The following XG variants were observed in gnomAD, a reference collection of about 807,000 sequenced individuals.
The protein encoded by XG is glycoprotein Xg.
Under a neutral mutation model 25.7 loss-of-function variants are expected in XG, and 24 were observed. The ratio of observed to expected loss-of-function variants is 0.93; its 90% CI spans 0.68 to 1.31. The LOEUF is 1.31. Among genes scored for constraint, XG ranks in the 40% most tolerant of loss-of-function variants. XG has a pLI of 0.00. For missense variants in XG, 181 were observed against 187.6 expected, an observed-to-expected ratio of 0.96 and a Z score of 0.21; for synonymous variants, 77 against 69.2, an observed-to-expected ratio of 1.11 and a Z score of -0.56.
At chrX:2,778,068 C>A (rs1426021119) in intron 3 of XG, among the ~76,000 whole-genome samples, 1 of 152,186 alleles carries the variant, frequency 6.6e-6, no homozygotes, top group African/African-American at 2.4e-5. Flanking sequence ...GTGCAAACAA[C>A]TTTGAGGCCC....
intron 8 of XG, among the ~76,000 whole-genome samples, chrX:2,807,258 A>T (rs5939334): frequency 8.9e-6 from 1 of 112,138 alleles, no homozygotes; most frequent in Non-Finnish European, 1.9e-5. Flanking sequence ...CATGTTTCCC[A>T]TGTGTGTCCA....
At chrX:2,782,045 G>A (rs1394996959) in intron 3 of XG, 21 bp from the exon 4 acceptor site, 1 of 1,206,839 alleles carries the variant, frequency 8.3e-7, no homozygotes, top group Non-Finnish European at 1.1e-6. Flanking sequence ...TTCTAACAGT[G>A]CAATGTTGTT....
intron 1 of XG, among the ~76,000 whole-genome samples, chrX:2,759,631 A>G (rs1486415130): frequency 6.6e-6 from 1 of 152,310 alleles, no homozygotes; most frequent in Non-Finnish European, 1.5e-5. Context: ...GTGTGAAGAC[A>G]TCTGGCAAAT....
intron 2 of XG, 98 bp from the exon 3 acceptor site, chrX:2,774,618 C>A: frequency 1.5e-6 from 2 of 1,349,202 alleles, no homozygotes; most frequent in Non-Finnish European, 2.1e-6. Flanking sequence ...GGCTTTGTCA[C>A]TCCCTTTTCA....
At chrX:2,772,108 C>G (rs994024298) in intron 2 of XG, among the ~76,000 whole-genome samples, 1 of 152,120 alleles carries the variant, frequency 6.6e-6, no homozygotes, top group African/African-American at 2.4e-5. Context: ...GCAAGAGAAC[C>G]CTGTGCAATA....
intron 1 of XG, among the ~76,000 whole-genome samples, chrX:2,754,630 G>A (rs913485565): frequency 1.3e-5 from 2 of 152,156 alleles, no homozygotes; most frequent in African/African-American, 4.8e-5. Context: ...ACAACAGGCC[G>A]TCTGCAGGCT....
rs2087104510 is a variant in XG at position 2,816,394 on chromosome X, A to G, written c.*2014A>G. 1 of 112,140 alleles carries G rather than the reference A, an allele frequency of 8.9e-6. No homozygotes were observed. Among genetic ancestry groups the G allele is most frequent in the Non-Finnish European group, 1.9e-5 (1 of 53,253 alleles). 9.2% of individuals were successfully genotyped at this position (112,140 alleles called of 1,213,427 possible). Reference sequence around the variant, plus strand: ...ATGTGAGTTTGCTTCTGGCTCTGCCATTACTGAGACAGCAGGACCAACCCT... The same window carrying G: ...ATGTGAGTTTGCTTCTGGCTCTGCCGTTACTGAGACAGCAGGACCAACCCT... On this transcript the variant is annotated 3_prime_UTR_variant, in exon 11 of 11. Coordinates refer to ENST00000644266, the MANE Select transcript of XG (RefSeq NM_001141919.2).
rs188226946 is a variant in XG at position 2,810,872 on chromosome X, C to T, written c.455-464C>T. Among the ~76,000 whole-genome samples the T allele has an allele frequency of 4.1e-4, 45 of 110,996 alleles. No individual in the cohort carries two copies. The East Asian group carries it at 7.9e-3, about 19-fold the overall frequency. On this transcript the variant is annotated intron_variant, in intron 9 of 10. Coordinates refer to ENST00000644266, the MANE Select transcript of XG (RefSeq NM_001141919.2). Reference sequence around the variant, plus strand: ...AGGAGGTTGCAGTGAACTGAGATCACGCCACTGTATTCCAGACTGGGCGAC... The same window carrying T: ...AGGAGGTTGCAGTGAACTGAGATCATGCCACTGTATTCCAGACTGGGCGAC...
chrX:2,755,761 G>C (rs1340326485), intron 1 of XG, among the ~76,000 whole-genome samples: 9 of 152,066 alleles, frequency 5.9e-5, no homozygotes, highest in African/African-American at 2.2e-4. Context: ...GGTATGTCCT[G>C]GGTAAAAATT....
At chrX:2,786,151 C>T (rs1805219466) in intron 4 of XG, among the ~76,000 whole-genome samples, 1 of 109,818 alleles carries the variant, frequency 9.1e-6, no homozygotes, top group African/African-American at 3.3e-5. Flanking sequence ...TGGCATTTCT[C>T]AGGCCAACTG....
chrX:2,774,811 G>C, intron 3 of XG, 72 bp downstream of exon 3: 2 of 1,589,082 alleles, frequency 1.3e-6, no homozygotes, highest in Admixed American at 1.7e-5. Flanking sequence ...GGATGGTTGA[G>C]GATGTTTTAC....
In XG at chrX:2,766,855, G is replaced by A. The variant is rs776689755; in HGVS notation, c.62-3695G>A. Among the ~76,000 whole-genome samples, 206 of 152,238 alleles carry A rather than the reference G, an allele frequency of 1.4e-3. 1 individual carries two copies. Among genetic ancestry groups the A allele is most frequent in the Non-Finnish European group, 1.9e-3 (127 of 68,006 alleles). The stretch of plus-strand genomic sequence containing the variant: ...GCTGGGATTACAGGTGTGAGCCACC[G>A]CGCCCAGCCTGTGCCACTCTTTATA... On this transcript the variant is annotated intron_variant, in intron 1 of 10. Transcript: ENST00000644266.
Position 2,761,944 on chromosome X carries a change from C to G in XG, c.62-8606C>G, listed in dbSNP as rs768530672. Among the ~76,000 whole-genome samples the G allele has an allele frequency of 7.6e-4, 116 of 152,314 alleles. 1 individual carries two copies. Among genetic ancestry groups the G allele is most frequent in the African/African-American group, 2.5e-3 (105 of 41,574 alleles). ...ACTCTGGGAAGCCATTACCAAGTCT[C>G]TGTCCTGCAAAGTGAGATCCATGGA... On this transcript the variant is annotated intron_variant, in intron 1 of 10. Transcript: ENST00000644266.
chrX:2,779,966 T>G (rs192409328), intron 3 of XG, among the ~76,000 whole-genome samples: 4 of 152,290 alleles, frequency 2.6e-5, no homozygotes, highest in South Asian at 4.1e-4. Context: ...CTTTAAATTA[T>G]CTCTAGGTTA....
chrX:2,797,434 C>A, intron 7 of XG, 74 bp downstream of exon 7: 1 of 1,113,315 alleles, frequency 9.0e-7, no homozygotes, highest in South Asian at 1.9e-5. Flanking sequence ...CCCGCTTGCA[C>A]TCTGCCCTGG....
rs200869534 is a variant in XG at position 2,794,574 on chromosome X, C to T, written c.293C>T (p.Pro98Leu). 23 of 1,210,295 alleles carry T rather than the reference C, an allele frequency of 1.9e-5. 1 individual carries two copies. Among genetic ancestry groups the T allele is most frequent in the Non-Finnish European group, 2.2e-5 (20 of 895,174 alleles). Residue 98 changes from proline to leucine, a missense_variant, in exon 6 of 11, where the codon CCG becomes CTG. Pro to Leu is a moderately conservative substitution (Grantham distance 98). Transcript: ENST00000644266. ...NDVDRDDGRY[P>L]PRPRPRPPAG... ...GTGGACCGTGATGACGGACGCTACC[C>T]GCCCAGGCCCAGGCCACGGCCGCCT...
intron 1 of XG, among the ~76,000 whole-genome samples, chrX:2,753,924 A>G (rs543045641): frequency 2.0e-5 from 3 of 152,220 alleles, no homozygotes; most frequent in East Asian, 3.9e-4. Context: ...TCAATAAATT[A>G]TGTGAGGTAT....
At chrX:2,794,457 G>A in intron 5 of XG, 78 bp from the exon 6 acceptor site, 1 of 1,074,937 alleles carries the variant, frequency 9.3e-7, no homozygotes, top group Middle Eastern at 2.6e-4. Flanking sequence ...ACCTGTGCCA[G>A]TGCCCCCAGC....
At chrX:2,776,914 T>G (rs768331268) in intron 3 of XG, among the ~76,000 whole-genome samples, 1 of 152,302 alleles carries the variant, frequency 6.6e-6, no homozygotes, top group South Asian at 2.1e-4. Context: ...CCATGAGAGA[T>G]GTCAGGAAGT....
Sources: gnomAD v4.1 joint callset for allele counts (sites outside exome capture counted in the v4.1 genomes callset) on GRCh38, gnomAD v4.1.1 for gene constraint, MANE v1.5 for transcripts, NCBI Gene and HGNC (gene_info 2026-07-23, HGNC 2026-07-21) for gene names.